The following NUP35 variants were observed in gnomAD, a reference collection of about 807,000 sequenced individuals.
NUP35 encodes the protein nucleoporin 35.
A neutral mutation model predicts 41.5 loss-of-function variants in NUP35; 25 were observed. That is an observed-to-expected ratio of 0.60 (90% confidence interval 0.44 to 0.84). The LOEUF is 0.84. NUP35 is among the 40% of genes least tolerant of loss of function. The pLI, the probability that NUP35 is intolerant of heterozygous loss-of-function variation, is 0.00. For synonymous variants in NUP35, 149 were observed against 130.7 expected (o/e 1.14, Z -0.96); for missense variants, 396 against 396.6 (o/e 1.00, Z 0.01).
intron 4 of NUP35, among the ~76,000 whole-genome samples, chr2:183,141,252 C>T (rs193010391): frequency 6.6e-6 from 1 of 152,090 alleles, no homozygotes; most frequent in Non-Finnish European, 1.5e-5. Context: ...CTACTTCCCT[C>T]TTGTAAGGAT....
intron 7 of NUP35, 93 bp downstream of exon 7, chr2:183,158,504 CTG>C: frequency 8.8e-7 from 1 of 1,135,952 alleles, no homozygotes; most frequent in Admixed American, 2.6e-5. Flanking sequence ...CTTGGTTTCA[CTG>C]TGTCTGTTTT....
At chr2:183,150,659 A>T (rs1243888917) in intron 4 of NUP35, among the ~76,000 whole-genome samples, 1 of 151,530 alleles carries the variant, frequency 6.6e-6, no homozygotes, top group Non-Finnish European at 1.5e-5. Context: ...GTATTTACTT[A>T]TTTGTCTCTC....
intron 3 of NUP35, among the ~76,000 whole-genome samples, chr2:183,132,654 TACAG>T (rs1395208042): frequency 6.6e-6 from 1 of 152,248 alleles, no homozygotes; most frequent in Non-Finnish European, 1.5e-5. Flanking sequence ...TCTCTGATGA[TACAG>T]ACAAAGGCTT....
At chr2:183,122,545 G>A (rs1700084318), upstream of NUP35, among the ~76,000 whole-genome samples, 1 of 152,036 alleles carries the variant, frequency 6.6e-6, no homozygotes, top group African/African-American at 2.4e-5. Context: ...GTCTTTCTAG[G>A]TTAATATTTA....
chr2:183,123,175 T>C (rs930911997), upstream of NUP35, among the ~76,000 whole-genome samples: 10 of 152,146 alleles, frequency 6.6e-5, no homozygotes, highest in African/African-American at 2.2e-4. Flanking sequence ...CAGAAGAAAA[T>C]AGTCCTTCTG....
intron 7 of NUP35, 148 bp downstream of exon 7, chr2:183,158,559 G>T: frequency 1.6e-6 from 1 of 611,502 alleles, no homozygotes; most frequent in Non-Finnish European, 2.6e-6. Context: ...TACTCTTTGT[G>T]GTAAGCCGAA....
intron 4 of NUP35, among the ~76,000 whole-genome samples, chr2:183,145,624 T>G (rs1575127457): frequency 6.6e-6 from 1 of 152,184 alleles, no homozygotes; most frequent in East Asian, 1.9e-4. Flanking sequence ...TTTTAAAAGT[T>G]TAATAAATAT....
At chr2:183,131,133 C>T (rs1342201840) in intron 3 of NUP35, 3 of 256,976 alleles carry the variant, frequency 1.2e-5, no homozygotes, top group South Asian at 3.8e-5. Context: ...TGCTGCTATG[C>T]CTGGCTAATT....
chr2:183,139,939 T>G, intron 4 of NUP35, among the ~76,000 whole-genome samples: 1 of 152,238 alleles, frequency 6.6e-6, no homozygotes, highest in East Asian at 1.9e-4. Context: ...AATATTGTTT[T>G]GAGACAATGA....
chr2:183,140,812 A>C (rs1232454177), intron 4 of NUP35, among the ~76,000 whole-genome samples: 2 of 147,890 alleles, frequency 1.4e-5, no homozygotes, highest in East Asian at 3.9e-4. Flanking sequence ...AACGAGAGCA[A>C]AACTCCATTC....
chr2:183,131,049 A>G (rs981211353), intron 3 of NUP35: 49 of 520,036 alleles, frequency 9.4e-5, no homozygotes, highest in Non-Finnish European at 1.5e-4. Flanking sequence ...CGGCACAGTC[A>G]TAACTCTGCA....
intron 4 of NUP35, among the ~76,000 whole-genome samples, chr2:183,137,733 T>C (rs1278560695): frequency 2.0e-5 from 3 of 151,312 alleles, no homozygotes; most frequent in African/African-American, 4.9e-5. Context: ...TTTAAGGCTG[T>C]AGGCAGCTAT....
chr2:183,138,903 T>TG (rs1684986592), intron 4 of NUP35, among the ~76,000 whole-genome samples: 2 of 152,212 alleles, frequency 1.3e-5, no homozygotes, highest in African/African-American at 4.8e-5. Flanking sequence ...TTCCTGGAAG[T>TG]GGGGGCCAAA....
At chr2:183,132,343 A>G (rs572162952) in intron 3 of NUP35, among the ~76,000 whole-genome samples, 2 of 151,816 alleles carry the variant, frequency 1.3e-5, no homozygotes, top group Non-Finnish European at 2.9e-5. Context: ...GCTTGAACCC[A>G]TGAGTTTGAG....
At chr2:183,147,710 G>A (rs564848385) in intron 4 of NUP35, among the ~76,000 whole-genome samples, 1 of 152,098 alleles carries the variant, frequency 6.6e-6, no homozygotes, top group Non-Finnish European at 1.5e-5. Context: ...TTATAATTCT[G>A]TGAAAAATGA....
upstream of NUP35, chr2:183,123,844 C>T: frequency 1.0e-6 from 1 of 984,066 alleles, no homozygotes; most frequent in African/African-American, 1.7e-5. Flanking sequence ...TAATTATCTT[C>T]CATTATTTAC....
chr2:183,126,323 GTGTC>G (rs1325890152), intron 1 of NUP35, among the ~76,000 whole-genome samples: 2 of 152,154 alleles, frequency 1.3e-5, no homozygotes, highest in African/African-American at 2.4e-5. Flanking sequence ...GCCTTCTACT[GTGTC>G]TGTATGTATC....
upstream of NUP35, among the ~76,000 whole-genome samples, chr2:183,123,543 G>T (rs777012336): frequency 5.3e-5 from 8 of 152,150 alleles, no homozygotes; most frequent in South Asian, 2.1e-4. Context: ...GAGATTTTAG[G>T]AAGTCCTAGA....
chr2:183,142,770 A>G (rs1685142811), intron 4 of NUP35, among the ~76,000 whole-genome samples: 1 of 151,744 alleles, frequency 6.6e-6, no homozygotes, highest in Non-Finnish European at 1.5e-5. Context: ...GTGAGCCACC[A>G]TGCCCCACCA....
Sources: allele counts gnomAD v4.1 joint callset (sites outside exome capture counted in the v4.1 genomes callset), GRCh38; gene constraint gnomAD v4.1.1; transcripts MANE v1.5; gene names NCBI Gene and HGNC (gene_info 2026-07-23, HGNC 2026-07-21).